Variants in TBC1D16 observed in about 807,000 individuals in gnomAD.
The protein encoded by TBC1D16 is CTD-2529O21.1.
TBC1D16 carries 58 observed loss-of-function variants against 74.7 expected under a neutral mutation model. The observed-to-expected ratio is 0.78, with a 90% CI of 0.63 to 0.97. TBC1D16 has a LOEUF of 0.97. Ranked by LOEUF, TBC1D16 falls within the 50% of genes least tolerant of loss-of-function variation. TBC1D16 has a pLI of 0.00. For synonymous variants in TBC1D16, 493 were observed against 474.7 expected, an observed-to-expected ratio of 1.04 and a Z score of -0.50; for missense variants, 1,014 against 1,079.5, an observed-to-expected ratio of 0.94 and a Z score of 0.85.
In TBC1D16 at chr17:79,980,344, T is replaced by C. The variant is rs910715010; in HGVS notation, c.780-27526A>G. 2.6e-5 allele frequency among the ~76,000 whole-genome samples: 4 copies of C among 152,216 alleles called. No homozygotes were observed. The highest frequency in any genetic ancestry group is 9.6e-5 in the African/African-American group (4 of 41,468). On this transcript the variant is annotated intron_variant, in intron 3 of 11. Coordinates refer to ENST00000310924, the MANE Select transcript of TBC1D16 (RefSeq NM_019020.4). The surrounding 1 kb of genome is among the most constrained non-coding windows in gnomAD (Gnocchi z 7.0). ...CACGGCACGGGCTTCTTGACCACCA[T>C]GTAGGGTCAGCAAATTCCGCCTAAC...
chr17:80,026,277 T>G (rs1006830021), intron 1 of TBC1D16, among the ~76,000 whole-genome samples: 1 of 148,954 alleles, frequency 6.7e-6, no homozygotes, highest in African/African-American at 2.6e-5. Context: ...ATACAAAAAT[T>G]AGCCAGGCAT....
rs935199 is a variant in TBC1D16, at chr17:79,954,379, T to C, written c.780-1561A>G. ...CTAGAGCCCTCTACTGCGTCAGGCA[T>C]AGCCCTGGGCCTGGTGAGTGGCAGG... is the stretch of plus-strand genomic sequence containing the variant. On this transcript the variant is annotated intron_variant, in intron 3 of 11. Coordinates refer to ENST00000310924, the MANE Select transcript of TBC1D16 (RefSeq NM_019020.4). The surrounding 1 kb of genome is among the most constrained non-coding windows in gnomAD (Gnocchi z 5.5). Among the ~76,000 whole-genome samples the C allele has an allele frequency of 0.66, 100,137 of 152,064 alleles. 33,810 individuals carry two copies. Among genetic ancestry groups the C allele is most frequent in the African/African-American group, 0.82 (33,900 of 41,486 alleles).
intron 3 of TBC1D16, chr17:79,992,322 C>G (rs376030793): frequency 3.3e-5 from 5 of 152,324 alleles, no homozygotes; most frequent in African/African-American, 1.2e-4. Context: ...TGGTCGCGCC[C>G]GAGACCATCT....
At chr17:80,028,897 C>G (rs11150835) in intron 1 of TBC1D16, among the ~76,000 whole-genome samples, 38,990 of 151,992 alleles carry the variant, frequency 0.26, 5,126 homozygotes, top group African/African-American at 0.29. Flanking sequence ...CACGCGTGAG[C>G]CACCGCCCCG....
chr17:80,004,303 G>A (rs2035596383), intron 3 of TBC1D16, among the ~76,000 whole-genome samples: 3 of 152,200 alleles, frequency 2.0e-5, no homozygotes, highest in African/African-American at 7.2e-5. Flanking sequence ...GCAACGGGCA[G>A]AATCATAACC....
In TBC1D16 at chr17:79,987,068, G is replaced by C. The variant is rs1327240357; in HGVS notation, c.779+23092C>G. ...AGCCAGAAGAGATCAGGGCCAGGAT[G>C]GGTCACGGGCTGTGCCCAGTGTCGC... is the stretch of plus-strand genomic sequence containing the variant. On this transcript the variant is annotated intron_variant, in intron 3 of 11. Transcript: ENST00000310924. This position sits in a 1 kb window ranked among gnomAD's most constrained non-coding sequence, Gnocchi z 5.2. Among the ~76,000 whole-genome samples, 1 of 152,198 alleles carries C rather than the reference G, an allele frequency of 6.6e-6. No homozygotes were observed. The highest frequency in any genetic ancestry group is 2.4e-5 in the African/African-American group (1 of 41,438).
chr17:79,968,344 C>T (rs1029230275), intron 3 of TBC1D16, among the ~76,000 whole-genome samples: 14 of 152,204 alleles, frequency 9.2e-5, no homozygotes, highest in African/African-American at 3.4e-4. Context: ...GGCACAGAGA[C>T]AACTGGATAG....
chr17:79,983,626 G>A lies in TBC1D16; in HGVS notation c.779+26534C>T, dbSNP rs889461391. Among the ~76,000 whole-genome samples the A allele has an allele frequency of 6.6e-6, 1 of 152,182 alleles. No individual in the cohort carries two copies. The highest frequency in any genetic ancestry group is 1.5e-5 in the Non-Finnish European group (1 of 68,020). On this transcript the variant is annotated intron_variant, in intron 3 of 11. Transcript: ENST00000310924. This position sits in a 1 kb window ranked among gnomAD's most constrained non-coding sequence, Gnocchi z 5.6. Reference sequence around the variant, plus strand: ...AGAATGTTGAGAAGTGCACATGTGTGCAAAGCCTGCTTTAGGAGAGCAAGG... The same window carrying A: ...AGAATGTTGAGAAGTGCACATGTGTACAAAGCCTGCTTTAGGAGAGCAAGG...
chr17:80,013,384 A>C lies in TBC1D16; in HGVS notation c.164T>G (p.Leu55Arg), dbSNP rs1020548320. 105 of 1,606,658 alleles carry C rather than the reference A, an allele frequency of 6.5e-5. No individual in the cohort carries two copies. The highest frequency in any genetic ancestry group is 8.6e-5 in the Non-Finnish European group (101 of 1,177,212). ...TGGCTCACCTGGGTGGTGCTCCCCC[A>C]GCCCCTGCAGCCCCTCCGGCGGGTG... ...CVHPPEGLQG[L>R]GEHHPGYLCL... is the part of the protein sequence containing the mutation. The change falls in exon 2 of 12, where the codon CTG becomes CGG. Residue 55 changes from leucine (L) to arginine (R), a missense_variant. Transcript: ENST00000310924.
rs200450567 is a variant in TBC1D16 at position 80,023,657 on chromosome 17, G to GCCC, written c.-62-10051_-62-10049dup. On this transcript the variant is annotated intron_variant, in intron 1 of 11. Coordinates refer to ENST00000310924, the MANE Select transcript of TBC1D16 (RefSeq NM_019020.4). ...GGCCAGGAGCGAGAACTGCTGCCGG[G>GCCC]CCCCCCCCCACCGGCTCAGGGCGTG... Among the ~76,000 whole-genome samples the GCCC allele has an allele frequency of 1.3e-3, 185 of 144,164 alleles. 7 individuals carry two copies. The highest frequency in any genetic ancestry group is 3.4e-3 in the Middle Eastern group (1 of 290). The allele number at this position is 144,164 out of a possible 152,430, so 94.6% of individuals were successfully genotyped here.
intron 1 of TBC1D16, among the ~76,000 whole-genome samples, chr17:80,016,725 C>A (rs1422791506): frequency 6.6e-6 from 1 of 152,128 alleles, no homozygotes; most frequent in East Asian, 1.9e-4. Context: ...GGCGGCTCAG[C>A]GCTCTCTGCC....
In TBC1D16 at chr17:79,988,904, G is replaced by A. The variant is rs9898792; in HGVS notation, c.779+21256C>T. Among the ~76,000 whole-genome samples, 114,471 of 152,114 alleles carry A rather than the reference G, an allele frequency of 0.75. 43,205 individuals are homozygous for A. Among genetic ancestry groups the A allele is most frequent in the Admixed American group, 0.81 (12,337 of 15,292 alleles). ...TGGACGGTGCCACCCTCCCCAACCC[G>A]CACCTGCCCGCCGGCCCCAGGCCCT... On this transcript the variant is annotated intron_variant, in intron 3 of 11. Transcript: ENST00000310924. This position sits in a 1 kb window ranked among gnomAD's most constrained non-coding sequence, Gnocchi z 5.7.
chr17:79,997,346 C>T (rs923902465), intron 3 of TBC1D16, among the ~76,000 whole-genome samples: 4 of 150,690 alleles, frequency 2.7e-5, no homozygotes, highest in African/African-American at 7.3e-5. Context: ...TAGGGCCTCC[C>T]GGTACTTTTT....
rs959442954 is a variant in TBC1D16 at position 79,988,311 on chromosome 17, A to G, written c.779+21849T>C. Among the ~76,000 whole-genome samples the G allele has an allele frequency of 2.0e-5, 3 of 152,214 alleles. No individual in the cohort carries two copies. Among genetic ancestry groups the G allele is most frequent in the Non-Finnish European group, 4.4e-5 (3 of 68,032 alleles). On this transcript the variant is annotated intron_variant, in intron 3 of 11. Coordinates refer to ENST00000310924, the MANE Select transcript of TBC1D16 (RefSeq NM_019020.4). The surrounding 1 kb of genome is among the most constrained non-coding windows in gnomAD (Gnocchi z 5.7). ...GAGCAAAACAACACGCTGAACAAAC[A>G]CCACCACCCTGAAAAGTCACCAGCC...
At chr17:79,948,203 C>T (rs928686929) in intron 8 of TBC1D16, among the ~76,000 whole-genome samples, 4 of 151,434 alleles carry the variant, frequency 2.6e-5, no homozygotes, top group African/African-American at 4.9e-5. Context: ...ATCTCAGCTA[C>T]TTGGGAGGCT....
At chr17:80,013,755 C>T (rs771039195) in intron 1 of TBC1D16, 146 bp from the exon 2 acceptor site, 31 of 470,954 alleles carry the variant, frequency 6.6e-5, no homozygotes, top group East Asian at 1.1e-4. Context: ...GGGTAGGCCA[C>T]GTTCTCCATC....
In TBC1D16 at chr17:79,983,510, G is replaced by A. The variant is rs144111310; in HGVS notation, c.779+26650C>T. On this transcript the variant is annotated intron_variant, in intron 3 of 11. Coordinates refer to ENST00000310924, the MANE Select transcript of TBC1D16 (RefSeq NM_019020.4). The surrounding 1 kb of genome is among the most constrained non-coding windows in gnomAD (Gnocchi z 5.6). ...GCCATGGAGACAGTGTCCCCCTATT[G>A]GAGTGAGCACCCGCAGCACCTCAGG... Among the ~76,000 whole-genome samples, 15 of 152,330 alleles carry A rather than the reference G, an allele frequency of 9.8e-5. No individual in the cohort carries two copies. The highest frequency in any genetic ancestry group is 3.6e-4 in the African/African-American group (15 of 41,574).
In TBC1D16 at chr17:79,937,856, G is replaced by C. The variant is rs1021762232; in HGVS notation, c.*3003C>G. The C allele has an allele frequency of 6.6e-6, 1 of 152,180 alleles. No homozygotes were observed. The highest frequency in any genetic ancestry group is 1.5e-5 in the Non-Finnish European group (1 of 68,038). The allele number at this position is 152,180 out of a possible 1,614,324, so 9.4% of individuals were successfully genotyped here. A position where few individuals can be genotyped will look rare whatever the true frequency, so the allele number is the denominator to read the frequency against. ...ACATCAAAGGTGTCCCCTCTTCCCA[G>C]AGGCCCTGAGCAACATCGGGCGACG... On this transcript the variant is annotated 3_prime_UTR_variant, in exon 12 of 12. Transcript: ENST00000310924.
chr17:80,029,454 T>TGG (rs1294079385), intron 1 of TBC1D16, among the ~76,000 whole-genome samples: 2,275 of 152,298 alleles, frequency 0.015, 54 homozygotes, highest in African/African-American at 0.052. Context: ...ACTTGGCCAC[T>TGG]GAAACTTGGC....
Sources: gnomAD v4.1 joint callset for allele counts (sites outside exome capture counted in the v4.1 genomes callset) on GRCh38, gnomAD v4.1.1 for gene constraint, Gnocchi (gnomAD v3.1) non-coding constraint, MANE v1.5 for transcripts, NCBI Gene and HGNC (gene_info 2026-07-23, HGNC 2026-07-21) for gene names.